The following NEGR1 variants were observed in gnomAD, a reference collection of about 807,000 sequenced individuals.
NEGR1 encodes the protein IgLON family member 4.
NEGR1 carries 10 observed loss-of-function variants against 40.9 expected under a neutral mutation model. That is an observed-to-expected ratio of 0.24 (90% CI 0.15 to 0.42). The LOEUF (loss-of-function observed/expected upper bound fraction) is 0.42, where lower values mean the gene tolerates loss of function less well. Among genes scored for constraint, NEGR1 ranks in the 10% least tolerant of loss-of-function variants. The pLI is 1.00. For synonymous variants in NEGR1, 185 were observed against 166.8 expected (o/e 1.11, Z -0.84); for missense variants, 352 against 438.9 (o/e 0.80, Z 1.77).
At chr1:71,845,418 A>G (rs1010097811) in intron 2 of NEGR1, among the ~76,000 whole-genome samples, 2 of 152,122 alleles carry the variant, frequency 1.3e-5, no homozygotes, top group East Asian at 3.9e-4. Flanking sequence ...AAAAGAAACA[A>G]AGTCCCACAT....
intron 1 of NEGR1, among the ~76,000 whole-genome samples, chr1:72,196,626 G>A (rs898955057): frequency 6.7e-5 from 10 of 149,160 alleles, no homozygotes; most frequent in African/African-American, 2.0e-4. Flanking sequence ...CAAAATTAGC[G>A]AGGCGTAGTG....
At chr1:72,051,247 A>G (rs1441352794) in intron 1 of NEGR1, among the ~76,000 whole-genome samples, 1 of 151,554 alleles carries the variant, frequency 6.6e-6, no homozygotes, top group African/African-American at 2.4e-5. Context: ...ACATTTGTTC[A>G]TTACTAAAAT....
chr1:72,270,112 T>A (rs139720462), intron 1 of NEGR1, among the ~76,000 whole-genome samples: 1 of 151,942 alleles, frequency 6.6e-6, no homozygotes, highest in African/African-American at 2.4e-5. Flanking sequence ...GCTCAGCCAC[T>A]GCCTAACTGT....
chr1:71,999,698 G>T (rs1380440309), intron 1 of NEGR1, among the ~76,000 whole-genome samples: 1 of 97,736 alleles, frequency 1.0e-5, no homozygotes, highest in Non-Finnish European at 2.1e-5. Context: ...TTTTTGTCCG[G>T]TCTCGGAGCC....
chr1:72,114,563 T>C (rs1480325868), intron 1 of NEGR1, among the ~76,000 whole-genome samples: 1 of 151,852 alleles, frequency 6.6e-6, no homozygotes, highest in Non-Finnish European at 1.5e-5. Context: ...GAGATAAAGA[T>C]ATTTGTTTCT....
chr1:71,403,936 C>G lies in NEGR1; in HGVS notation c.*3510G>C. ...TGAAATACTGTACATCCACATACTT[C>G]AATAAATAGTTAAAAACCTGACCTC... On this transcript the variant is annotated 3_prime_UTR_variant, in exon 7 of 7. Transcript: ENST00000357731. 1 of 373,732 alleles carries G rather than the reference C, an allele frequency of 2.7e-6. No homozygotes were observed. Among genetic ancestry groups the G allele is most frequent in the African/African-American group, 2.1e-5 (1 of 48,184 alleles). 23.2% of individuals were successfully genotyped at this position (373,732 alleles called of 1,614,324 possible). A position where few individuals can be genotyped will look rare whatever the true frequency, so the allele number is the denominator to read the frequency against.
At chr1:72,247,326 C>A (rs1654934341) in intron 1 of NEGR1, among the ~76,000 whole-genome samples, 2 of 152,104 alleles carry the variant, frequency 1.3e-5, no homozygotes, top group Admixed American at 6.6e-5. Flanking sequence ...ATTTTCCAAA[C>A]GTTTATGCTT....
At chr1:72,217,343 T>G (rs1653856677) in intron 1 of NEGR1, among the ~76,000 whole-genome samples, 1 of 151,836 alleles carries the variant, frequency 6.6e-6, no homozygotes, top group Admixed American at 6.6e-5. Flanking sequence ...TCAACAAAAA[T>G]AGTTGTAGTC....
intron 3 of NEGR1, among the ~76,000 whole-genome samples, chr1:71,719,958 T>C (rs1039443661): frequency 6.6e-6 from 1 of 152,122 alleles, no homozygotes; most frequent in African/African-American, 2.4e-5. Flanking sequence ...CTCAACATAA[T>C]GGATATATCT....
At chr1:72,047,132 T>C (rs1159713880) in intron 1 of NEGR1, among the ~76,000 whole-genome samples, 1 of 151,460 alleles carries the variant, frequency 6.6e-6, no homozygotes, top group Non-Finnish European at 1.5e-5. Flanking sequence ...TTTTGCTGTT[T>C]TGTTTTGTTT....
chr1:72,119,224 A>C (rs919976957), intron 1 of NEGR1, among the ~76,000 whole-genome samples: 1 of 151,958 alleles, frequency 6.6e-6, no homozygotes, highest in African/African-American at 2.4e-5. Context: ...AGTGAGCATT[A>C]ATATATAAAT....
intron 6 of NEGR1, among the ~76,000 whole-genome samples, chr1:71,505,738 C>T (rs183226295): frequency 2.6e-5 from 4 of 152,282 alleles, no homozygotes; most frequent in African/African-American, 9.6e-5. Flanking sequence ...AACAACAGTA[C>T]CGCTGGACTG....
At chr1:71,818,425 G>A (rs2169098) in intron 2 of NEGR1, among the ~76,000 whole-genome samples, 1 of 151,864 alleles carries the variant, frequency 6.6e-6, no homozygotes, top group African/African-American at 2.4e-5. Flanking sequence ...GCAAACTAAT[G>A]CAGGAACAGA....
At chr1:71,628,343 T>A (rs1650853637) in intron 4 of NEGR1, among the ~76,000 whole-genome samples, 1 of 152,058 alleles carries the variant, frequency 6.6e-6, no homozygotes, top group South Asian at 2.1e-4. Context: ...ATTGAATAAA[T>A]GAACACAATA....
At chr1:72,109,318 T>C (rs572046634) in intron 1 of NEGR1, among the ~76,000 whole-genome samples, 1 of 151,796 alleles carries the variant, frequency 6.6e-6, no homozygotes, top group African/African-American at 2.4e-5. Flanking sequence ...CCAAAGAAGA[T>C]TGAGGCTAAT....
rs1329082679 is a variant in NEGR1 at position 71,898,970 on chromosome 1, TATATATATAGC to T, written c.409+36098_409+36108del. ...TGCAAATATATATATATAGCATATA[TATATATATAGC>T]ATATATATATATATATATATATATA... On this transcript the variant is annotated intron_variant, in intron 2 of 6. Transcript: ENST00000357731. Among the ~76,000 whole-genome samples the T allele has an allele frequency of 9.2e-3, 485 of 52,700 alleles. 13 individuals are homozygous for T. Among genetic ancestry groups the T allele is most frequent in the South Asian group, 0.029 (42 of 1,466 alleles). 34.6% of individuals were successfully genotyped at this position (52,700 alleles called of 152,430 possible).
intron 6 of NEGR1, among the ~76,000 whole-genome samples, chr1:71,414,125 G>T (rs1265581085): frequency 6.6e-6 from 1 of 152,006 alleles, no homozygotes; most frequent in Non-Finnish European, 1.5e-5. Context: ...ATACCTAGTG[G>T]GAAGCAAATG....
intron 1 of NEGR1, among the ~76,000 whole-genome samples, chr1:71,995,569 A>T (rs1248998478): frequency 6.6e-6 from 1 of 152,166 alleles, no homozygotes; most frequent in African/African-American, 2.4e-5. Flanking sequence ...GTACTTAAGG[A>T]TTAACTGAAA....
intron 4 of NEGR1, among the ~76,000 whole-genome samples, chr1:71,671,516 T>C (rs2101600162): frequency 6.6e-6 from 1 of 152,148 alleles, no homozygotes; most frequent in South Asian, 2.1e-4. Flanking sequence ...AGGAATAAAA[T>C]TGTAAAGGGA....
Sources: gnomAD v4.1 joint callset for allele counts (sites outside exome capture counted in the v4.1 genomes callset) on GRCh38, gnomAD v4.1.1 for gene constraint, MANE v1.5 for transcripts, NCBI Gene and HGNC (gene_info 2026-07-23, HGNC 2026-07-21) for gene names.